Variants in PTPRD observed in about 807,000 individuals in gnomAD.
The protein encoded by PTPRD is protein tyrosine phosphatase receptor type D.
In PTPRD, 34 loss-of-function variants were observed where a neutral mutation model predicts 214.5. The observed-to-expected ratio is 0.16, with a 90% CI of 0.12 to 0.21. The LOEUF is 0.21. PTPRD is among the 10% of genes least tolerant of loss of function. The probability of loss-of-function intolerance (pLI) is 1.00; values close to 1 mark genes in which losing one functional copy is unlikely to be tolerated. For missense variants in PTPRD, 2,545 were observed against 2,398.7 expected (o/e 1.06, Z -1.27); for synonymous variants, 1,128 against 845.7 (o/e 1.33, Z -5.79).
chr9:9,263,382 A>T (rs931576662), intron 9 of PTPRD, among the ~76,000 whole-genome samples: 6 of 151,684 alleles, frequency 4.0e-5, no homozygotes, highest in Non-Finnish European at 8.9e-5. Flanking sequence ...TTCTCAGTTT[A>T]GTTCAACTGA....
chr9:9,551,924 A>G (rs1233112287), intron 8 of PTPRD, among the ~76,000 whole-genome samples: 5 of 151,996 alleles, frequency 3.3e-5, no homozygotes, highest in Non-Finnish European at 7.4e-5. Context: ...GAAAGAAATC[A>G]GAGTTGGCTG....
chr9:9,941,184 T>G (rs906005249), intron 4 of PTPRD, among the ~76,000 whole-genome samples: 1 of 152,194 alleles, frequency 6.6e-6, no homozygotes, highest in South Asian at 2.1e-4. Flanking sequence ...GGCTACAGGA[T>G]GGACAAGCTT....
At chr9:8,319,751 G>T (rs921876207) in intron 45 of PTPRD, 80 bp downstream of exon 45, 2 of 1,529,150 alleles carry the variant, frequency 1.3e-6, no homozygotes, top group Admixed American at 2.0e-5. Flanking sequence ...GTCTGGTGTT[G>T]AGAGAGTATG....
chr9:9,495,036 C>CA (rs2096106148), intron 8 of PTPRD, among the ~76,000 whole-genome samples: 1 of 152,022 alleles, frequency 6.6e-6, no homozygotes, highest in Non-Finnish European at 1.5e-5. Flanking sequence ...TGATTTTTGA[C>CA]AAGAGCACCA....
intron 3 of PTPRD, among the ~76,000 whole-genome samples, chr9:10,321,455 A>T (rs1371166928): frequency 6.6e-6 from 1 of 152,076 alleles, no homozygotes; most frequent in Non-Finnish European, 1.5e-5. Context: ...GACCAAAGAA[A>T]CAGAGAAGCT....
At chr9:10,008,412 G>T (rs2096532370) in intron 4 of PTPRD, among the ~76,000 whole-genome samples, 1 of 151,938 alleles carries the variant, frequency 6.6e-6, no homozygotes, top group Non-Finnish European at 1.5e-5. Flanking sequence ...CTGAATATAG[G>T]AAGCCTGTGT....
At chr9:9,913,012 C>T (rs1016495573) in intron 5 of PTPRD, among the ~76,000 whole-genome samples, 1 of 152,002 alleles carries the variant, frequency 6.6e-6, no homozygotes, top group African/African-American at 2.4e-5. Flanking sequence ...TTTCTGTAAA[C>T]ATTCTTATAA....
chr9:9,694,784 G>A (rs2097340103), intron 7 of PTPRD, among the ~76,000 whole-genome samples: 1 of 152,078 alleles, frequency 6.6e-6, no homozygotes, highest in African/African-American at 2.4e-5. Context: ...CACCACCAAT[G>A]TTCGCTTAAA....
At chr9:10,034,495 TTTG>T (rs1425334809) in intron 3 of PTPRD, among the ~76,000 whole-genome samples, 2 of 149,918 alleles carry the variant, frequency 1.3e-5, no homozygotes, top group Non-Finnish European at 3.0e-5. Context: ...GTCATAGGCG[TTTG>T]TTGTGCCTAT....
At chr9:9,556,994 A>AT (rs757774655) in intron 8 of PTPRD, among the ~76,000 whole-genome samples, 2 of 152,190 alleles carry the variant, frequency 1.3e-5, no homozygotes, top group African/African-American at 2.4e-5. Flanking sequence ...TAGGGAACTT[A>AT]TCCCCCTGAG....
chr9:9,051,691 A>G (rs2099685906), intron 10 of PTPRD, among the ~76,000 whole-genome samples: 1 of 152,168 alleles, frequency 6.6e-6, no homozygotes, highest in Admixed American at 6.5e-5. Context: ...ATTAAAAAAG[A>G]AGGTTTGATA....
At chr9:9,892,267 G>GATTATATGTAATCTCT in intron 5 of PTPRD, among the ~76,000 whole-genome samples, 1 of 152,156 alleles carries the variant, frequency 6.6e-6, no homozygotes, top group African/African-American at 2.4e-5. Flanking sequence ...GCCAGATAAG[G>GATTATATGTAATCTCT]CCTTATAGAG....
At chr9:10,323,422 G>C (rs2096590700) in intron 3 of PTPRD, among the ~76,000 whole-genome samples, 1 of 150,836 alleles carries the variant, frequency 6.6e-6, no homozygotes, top group Non-Finnish European at 1.5e-5. Flanking sequence ...AGCCATCCAA[G>C]TAGCTTGGAC....
At chr9:10,582,064 C>T (rs1164799891) in intron 2 of PTPRD, among the ~76,000 whole-genome samples, 1 of 152,064 alleles carries the variant, frequency 6.6e-6, no homozygotes, top group Non-Finnish European at 1.5e-5. Context: ...TTAAGTTTTT[C>T]TAGAAATTTA....
chr9:10,202,425 C>A (rs889351446), intron 3 of PTPRD, among the ~76,000 whole-genome samples: 9 of 151,124 alleles, frequency 6.0e-5, no homozygotes, highest in African/African-American at 2.2e-4. Context: ...GCTTTTCCCA[C>A]TTCCAAATGC....
intron 4 of PTPRD, among the ~76,000 whole-genome samples, chr9:9,950,276 G>C (rs534062387): frequency 2.6e-5 from 4 of 152,234 alleles, no homozygotes; most frequent in African/African-American, 7.2e-5. Flanking sequence ...GTGAATTCTT[G>C]TTTAGACAGC....
chr9:10,140,215 G>T (rs933197643), intron 3 of PTPRD, among the ~76,000 whole-genome samples: 1 of 151,652 alleles, frequency 6.6e-6, no homozygotes, highest in East Asian at 1.9e-4. Flanking sequence ...GAATCTATAA[G>T]AAATGTAAAT....
intron 3 of PTPRD, among the ~76,000 whole-genome samples, chr9:10,245,845 G>C (rs77583909): frequency 0.02 from 3,119 of 152,160 alleles, 90 homozygotes; most frequent in African/African-American, 0.071. Context: ...GGAAGAGATA[G>C]TATCAAGTAA....
intron 11 of PTPRD, among the ~76,000 whole-genome samples, chr9:8,768,992 C>G (rs1445422216): frequency 1.3e-5 from 2 of 152,112 alleles, no homozygotes; most frequent in East Asian, 3.9e-4. Context: ...TGTTTGTGTA[C>G]ATGGCAGGGA....
Sources: allele counts gnomAD v4.1 joint callset (sites outside exome capture counted in the v4.1 genomes callset), GRCh38; gene constraint gnomAD v4.1.1; transcripts MANE v1.5; gene names NCBI Gene and HGNC (gene_info 2026-07-23, HGNC 2026-07-21).